Variants in ZHX3 observed in about 807,000 individuals in gnomAD.
ZHX3 encodes the protein zinc fingers and homeoboxes protein 3.
In ZHX3, 20 loss-of-function variants were observed where a neutral mutation model predicts 64.5. The ratio of observed to expected loss-of-function variants is 0.31; its 90% confidence interval spans 0.22 to 0.45. The LOEUF (loss-of-function observed/expected upper bound fraction) is 0.45, where lower values mean the gene tolerates loss of function less well. Ranked by LOEUF, ZHX3 falls within the 20% of genes least tolerant of loss-of-function variation. The pLI is 1.00. For synonymous variants in ZHX3, 423 were observed against 461.6 expected (o/e 0.92, Z 1.07); for missense variants, 1,041 against 1,195.8 (o/e 0.87, Z 1.91).
In ZHX3 at chr20:41,296,232, T is replaced by TAAAAAAA. The variant is rs57987896; in HGVS notation, c.-245+21270_-245+21276dup. Among the ~76,000 whole-genome samples, 19 of 72,996 alleles carry TAAAAAAA rather than the reference T, an allele frequency of 2.6e-4. 5 individuals carry two copies. The highest frequency in any genetic ancestry group is 4.1e-4 in the South Asian group (1 of 2,434). The allele number at this position is 72,996 out of a possible 152,430, so 47.9% of individuals were successfully genotyped here. A position where few individuals can be genotyped will look rare whatever the true frequency, so the allele number is the denominator to read the frequency against. ...TTCCCTTCTCCTCAAGTTCATAAAG[T>TAAAAAAA]AAAAAAAAAAAAAAAAAAAAAAAAA... On this transcript the variant is annotated intron_variant, in intron 1 of 3. Transcript: ENST00000683867.
At chr20:41,194,380 A>T (rs1400641985) in intron 3 of ZHX3, among the ~76,000 whole-genome samples, 1 of 152,106 alleles carries the variant, frequency 6.6e-6, no homozygotes, top group Non-Finnish European at 1.5e-5. Flanking sequence ...AATTACATTG[A>T]TATTCATGTG....
chr20:41,273,595 A>G (rs2043249274), intron 1 of ZHX3, among the ~76,000 whole-genome samples: 1 of 152,166 alleles, frequency 6.6e-6, no homozygotes, highest in South Asian at 2.1e-4. Flanking sequence ...TACCTGCACC[A>G]TTTGTTAAAG....
At chr20:41,194,426 T>C (rs1030419323) in intron 3 of ZHX3, among the ~76,000 whole-genome samples, 5 of 152,206 alleles carry the variant, frequency 3.3e-5, no homozygotes, top group Admixed American at 3.3e-4. Flanking sequence ...TAGATCCCTC[T>C]TGCTCATGAG....
At chr20:41,298,230 T>C (rs1456659655) in intron 1 of ZHX3, among the ~76,000 whole-genome samples, 2 of 152,220 alleles carry the variant, frequency 1.3e-5, no homozygotes, top group Non-Finnish European at 2.9e-5. Context: ...CACTGTGACA[T>C]GTGAAACATG....
rs919701733 is a variant in ZHX3 at position 41,204,890 on chromosome 20, T to C, written c.27A>G (p.Thr9=). MASKRKST[T]PCMIPVKTVV... is the part of the protein sequence containing the mutation. ...CAGTCTTCACTGGGATCATGCATGGTGTGGTGGATTTCCTCTTGCTGGCCA... is the reference window on the plus strand; with the variant it reads ...CAGTCTTCACTGGGATCATGCATGGCGTGGTGGATTTCCTCTTGCTGGCCA... Residue 9 remains threonine, a synonymous_variant, in exon 3 of 4, where the codon ACA becomes ACG. Transcript: ENST00000683867. This position sits in a 1 kb window ranked among gnomAD's most constrained non-coding sequence, Gnocchi z 6.6. 2 of 1,538,694 alleles carry C rather than the reference T, an allele frequency of 1.3e-6. No homozygotes were observed. The highest frequency in any genetic ancestry group is 1.7e-6 in the Non-Finnish European group (2 of 1,144,116).
intron 2 of ZHX3, among the ~76,000 whole-genome samples, chr20:41,227,831 T>G (rs2040366616): frequency 6.6e-6 from 1 of 152,164 alleles, no homozygotes; most frequent in Non-Finnish European, 1.5e-5. Flanking sequence ...ACAAGAAAAT[T>G]TCTAGTCCAA....
chr20:41,262,947 T>C lies in ZHX3; in HGVS notation c.-151+6043A>G, dbSNP rs190239496. ...TTGCTTTTGCTTTGATTTTAGTAAATAAATTCAGAAAAATATGTTTAGCAC... is the reference window on the plus strand; with the variant it reads ...TTGCTTTTGCTTTGATTTTAGTAAACAAATTCAGAAAAATATGTTTAGCAC... On this transcript the variant is annotated intron_variant, in intron 2 of 3. Coordinates refer to ENST00000683867, the MANE Select transcript of ZHX3 (RefSeq NM_001384317.1). Among the ~76,000 whole-genome samples, 334 of 152,320 alleles carry C rather than the reference T, an allele frequency of 2.2e-3. 3 individuals carry two copies. The South Asian group carries it at 0.036, about 16-fold the overall frequency.
At chr20:41,280,443 G>T (rs1039737025) in intron 1 of ZHX3, among the ~76,000 whole-genome samples, 1 of 152,120 alleles carries the variant, frequency 6.6e-6, no homozygotes, top group East Asian at 1.9e-4. Context: ...AAAGGAAGCA[G>T]AAAATAATTG....
chr20:41,196,663 G>T, intron 3 of ZHX3: 2 of 146,592 alleles, frequency 1.4e-5, no homozygotes, highest in Non-Finnish European at 2.8e-5. Context: ...TATTTTGTGT[G>T]CCTTTTTCAA....
intron 2 of ZHX3, among the ~76,000 whole-genome samples, chr20:41,261,603 C>G (rs971061495): frequency 1.3e-5 from 2 of 152,236 alleles, no homozygotes; most frequent in Admixed American, 6.5e-5. Flanking sequence ...GTTGTGAAGA[C>G]TAAGCCAGCC....
intron 1 of ZHX3, among the ~76,000 whole-genome samples, chr20:41,301,780 C>T (rs1325865527): frequency 1.3e-5 from 2 of 152,030 alleles, no homozygotes; most frequent in African/African-American, 2.4e-5. Flanking sequence ...CCAGGCCGGG[C>T]GCGGTGGCTC....
chr20:41,270,501 C>T (rs1329297819), intron 1 of ZHX3, among the ~76,000 whole-genome samples: 1 of 151,966 alleles, frequency 6.6e-6, no homozygotes, highest in African/African-American at 2.4e-5. Flanking sequence ...CGGTGAAACC[C>T]TGTCTCTACT....
intron 1 of ZHX3, among the ~76,000 whole-genome samples, chr20:41,285,932 CA>C (rs1053800977): frequency 6.6e-6 from 1 of 152,090 alleles, no homozygotes; most frequent in Non-Finnish European, 1.5e-5. Context: ...AGTAAATGAT[CA>C]ATAAATGCTA....
At chr20:41,275,246 C>T (rs1600596065) in intron 1 of ZHX3, among the ~76,000 whole-genome samples, 1 of 152,078 alleles carries the variant, frequency 6.6e-6, no homozygotes, top group East Asian at 1.9e-4. Context: ...CACCAAATCG[C>T]AGGAAAAAGA....
intron 2 of ZHX3, among the ~76,000 whole-genome samples, chr20:41,258,902 A>T (rs565853213): frequency 2.6e-5 from 4 of 152,234 alleles, no homozygotes; most frequent in Non-Finnish European, 4.4e-5. Context: ...AATTTCCAAG[A>T]GATTAGTTGA....
At chr20:41,283,783 T>C (rs987584345) in intron 1 of ZHX3, among the ~76,000 whole-genome samples, 4 of 151,870 alleles carry the variant, frequency 2.6e-5, no homozygotes, top group East Asian at 1.9e-4. Context: ...CTTTTATCTA[T>C]GGTCACTGTG....
intron 2 of ZHX3, among the ~76,000 whole-genome samples, chr20:41,268,719 A>G (rs544700150): frequency 1.3e-5 from 2 of 152,370 alleles, no homozygotes; most frequent in South Asian, 2.1e-4. Context: ...TATGATCTCA[A>G]TGGTCAACCT....
chr20:41,215,112 G>A (rs1387442686), intron 2 of ZHX3, among the ~76,000 whole-genome samples: 3 of 152,030 alleles, frequency 2.0e-5, no homozygotes, highest in Admixed American at 1.3e-4. Flanking sequence ...CAATAAATTA[G>A]CCAGGTGTGG....
intron 1 of ZHX3, among the ~76,000 whole-genome samples, chr20:41,275,273 T>C (rs1306636729): frequency 6.6e-6 from 1 of 152,156 alleles, no homozygotes; most frequent in African/African-American, 2.4e-5. Flanking sequence ...ATTCCATATA[T>C]TTTGCGATCT....
Sources: allele counts gnomAD v4.1 joint callset (sites outside exome capture counted in the v4.1 genomes callset), GRCh38; gene constraint gnomAD v4.1.1; non-coding constraint Gnocchi (gnomAD v3.1); transcripts MANE v1.5; gene names NCBI Gene and HGNC (gene_info 2026-07-23, HGNC 2026-07-21).